The following PIK3C2A variants were observed in gnomAD, a reference collection of about 807,000 sequenced individuals.
PIK3C2A encodes phosphatidylinositol 4-phosphate 3-kinase C2 domain-containing subunit alpha.
PIK3C2A carries 97 observed loss-of-function variants against 204.5 expected under a neutral mutation model. That is an observed-to-expected ratio of 0.47 (90% CI 0.40 to 0.56). The LOEUF (loss-of-function observed/expected upper bound fraction) is 0.56, where lower values mean the gene tolerates loss of function less well. PIK3C2A is among the 20% of genes least tolerant of loss of function. The pLI is 0.00. For synonymous variants in PIK3C2A, 653 were observed against 664.4 expected, an observed-to-expected ratio of 0.98 and a Z score of 0.26; for missense variants, 1,735 against 1,969.2, an observed-to-expected ratio of 0.88 and a Z score of 2.25.
chr11:17,191,330 T>C (rs1851936577), intron 1 of PIK3C2A, among the ~76,000 whole-genome samples: 1 of 152,202 alleles, frequency 6.6e-6, no homozygotes, highest in Non-Finnish European at 1.5e-5. Context: ...GGTCACCCAG[T>C]ATCAGTCTGA....
At chr11:17,207,329 G>C (rs890422727) in intron 1 of PIK3C2A, among the ~76,000 whole-genome samples, 2 of 152,124 alleles carry the variant, frequency 1.3e-5, no homozygotes, top group African/African-American at 2.4e-5. Context: ...CGGTGGGAGT[G>C]GGGGGTCCGG....
chr11:17,204,127 G>A (rs1455177090), intron 1 of PIK3C2A, among the ~76,000 whole-genome samples: 1 of 151,842 alleles, frequency 6.6e-6, no homozygotes, highest in Admixed American at 6.6e-5. Context: ...CAAAGCACTG[G>A]ACTATGGGCA....
At chr11:17,136,298 C>T (rs577769265) in intron 9 of PIK3C2A, among the ~76,000 whole-genome samples, 184 bp downstream of exon 9, 4 of 152,306 alleles carry the variant, frequency 2.6e-5, no homozygotes, top group Admixed American at 2.0e-4. Context: ...TGTCAACTCT[C>T]ATAAAGCTCT....
intron 1 of PIK3C2A, among the ~76,000 whole-genome samples, chr11:17,182,986 T>C (rs1851615654): frequency 6.6e-6 from 1 of 152,166 alleles, no homozygotes; most frequent in South Asian, 2.1e-4. Flanking sequence ...ACTACAGGTA[T>C]GCATCACTAT....
chr11:17,166,818 A>C (rs905418081), intron 2 of PIK3C2A, among the ~76,000 whole-genome samples: 14 of 152,178 alleles, frequency 9.2e-5, no homozygotes, highest in Admixed American at 7.2e-4. Context: ...CCAGGCACTA[A>C]ACACAGAATT....
chr11:17,100,243 T>G (rs903879662), intron 25 of PIK3C2A, among the ~76,000 whole-genome samples: 30 of 5,470 alleles, frequency 5.5e-3, no homozygotes, highest in East Asian at 0.044. Context: ...GCTCTTTTTT[T>G]GGGGGCGGGG....
intron 28 of PIK3C2A, among the ~76,000 whole-genome samples, chr11:17,093,515 T>G (rs1286604417): frequency 6.6e-6 from 1 of 152,126 alleles, no homozygotes; most frequent in East Asian, 1.9e-4. Flanking sequence ...CCGCCCGCCT[T>G]GGCCTCCCAA....
At chr11:17,132,793 GC>G (rs1849743030) in intron 11 of PIK3C2A, among the ~76,000 whole-genome samples, 1 of 152,158 alleles carries the variant, frequency 6.6e-6, no homozygotes, top group African/African-American at 2.4e-5. Context: ...CTAAGCATGT[GC>G]CTGACTTGCA....
chr11:17,104,673 C>T (rs185755851), intron 23 of PIK3C2A, among the ~76,000 whole-genome samples: 4 of 141,152 alleles, frequency 2.8e-5, no homozygotes, highest in Non-Finnish European at 4.5e-5. Context: ...TGCAGTGAGC[C>T]GAGATAGCGC....
At chr11:17,180,479 A>C (rs2137522780) in intron 1 of PIK3C2A, among the ~76,000 whole-genome samples, 1 of 152,128 alleles carries the variant, frequency 6.6e-6, no homozygotes, top group Non-Finnish European at 1.5e-5. Flanking sequence ...CTAATACATT[A>C]AAAAGAACTA....
chr11:17,126,322 C>A (rs899415444), intron 13 of PIK3C2A, among the ~76,000 whole-genome samples: 1 of 150,864 alleles, frequency 6.6e-6, no homozygotes, highest in Non-Finnish European at 1.5e-5. Flanking sequence ...GATCGGATGG[C>A]GGGAAGATGG....
At chr11:17,118,075 T>C (rs1356093209) in intron 18 of PIK3C2A, among the ~76,000 whole-genome samples, 1 of 114,580 alleles carries the variant, frequency 8.7e-6, no homozygotes, top group African/African-American at 3.4e-5. Flanking sequence ...AATTTTTTTT[T>C]CTTTTTTTTT....
chr11:17,110,706 A>G, intron 21 of PIK3C2A, 145 bp from the exon 22 acceptor site: 4 of 598,392 alleles, frequency 6.7e-6, no homozygotes, highest in Middle Eastern at 9.4e-4. Flanking sequence ...AGCCTGGCCA[A>G]CATGGTGGAA....
intron 3 of PIK3C2A, among the ~76,000 whole-genome samples, chr11:17,153,654 AC>A (rs1841554664): frequency 2.0e-5 from 3 of 152,138 alleles, no homozygotes; most frequent in African/African-American, 7.2e-5. Flanking sequence ...AACAACAAAA[AC>A]CAATACCTAG....
At chr11:17,187,218 G>C (rs1403820588) in intron 1 of PIK3C2A, among the ~76,000 whole-genome samples, 1 of 152,088 alleles carries the variant, frequency 6.6e-6, no homozygotes, top group Non-Finnish European at 1.5e-5. Context: ...AAAATCATGA[G>C]AGCGATTAGC....
intron 15 of PIK3C2A, among the ~76,000 whole-genome samples, chr11:17,121,152 C>G (rs1050958921): frequency 6.6e-6 from 1 of 151,970 alleles, no homozygotes; most frequent in Admixed American, 6.6e-5. Flanking sequence ...GGGTATTGCT[C>G]TGTTGCCCAG....
chr11:17,204,287 A>G (rs967913303), intron 1 of PIK3C2A: 3 of 152,184 alleles, frequency 2.0e-5, no homozygotes, highest in Non-Finnish European at 2.9e-5. Context: ...AGGGGAAAAA[A>G]ATAATGTAAA....
chr11:17,098,995 A>C (rs1195351982), intron 26 of PIK3C2A, among the ~76,000 whole-genome samples: 1 of 152,192 alleles, frequency 6.6e-6, no homozygotes, highest in African/African-American at 2.4e-5. Context: ...TCCCAGGTTC[A>C]AGCGATTCTC....
At chr11:17,102,237 C>A (rs905004812) in intron 24 of PIK3C2A, among the ~76,000 whole-genome samples, 5 of 152,026 alleles carry the variant, frequency 3.3e-5, no homozygotes, top group Admixed American at 2.6e-4. Context: ...GAGATCGAGA[C>A]CATCCTGGCT....
Sources: gnomAD v4.1 joint callset for allele counts (sites outside exome capture counted in the v4.1 genomes callset) on GRCh38, gnomAD v4.1.1 for gene constraint, MANE v1.5 for transcripts, NCBI Gene and HGNC (gene_info 2026-07-23, HGNC 2026-07-21) for gene names.